The following SGCZ variants were observed in gnomAD, a reference collection of about 807,000 sequenced individuals.
SGCZ encodes the protein sarcoglycan zeta, also known as zeta-sarcoglycan.
Under a neutral mutation model 41.3 loss-of-function variants are expected in SGCZ, and 40 were observed. That is an observed-to-expected ratio of 0.97 (90% CI 0.75 to 1.26). The LOEUF (loss-of-function observed/expected upper bound fraction) is 1.26. Ranked by LOEUF, SGCZ falls within the 50% of genes most tolerant of loss-of-function variation. The pLI is 0.00. For missense variants in SGCZ, 552 were observed against 369.8 expected (o/e 1.49, Z -4.04); for synonymous variants, 206 against 137.5 (o/e 1.50, Z -3.49).
chr8:15,076,754 A>AT (rs35515934), intron 1 of SGCZ, among the ~76,000 whole-genome samples: 6,620 of 133,536 alleles, frequency 0.05, 176 homozygotes, highest in South Asian at 0.06. Flanking sequence ...AGTCTCTCTC[A>AT]TTTTTTTTTT....
At chr8:14,453,481 A>G (rs767895296) in intron 2 of SGCZ, among the ~76,000 whole-genome samples, 14 of 152,176 alleles carry the variant, frequency 9.2e-5, no homozygotes, top group African/African-American at 3.1e-4. Context: ...TTATTTACAA[A>G]TAAGTTGGAT....
At chr8:14,270,318 T>G (rs1800015818) in intron 3 of SGCZ, among the ~76,000 whole-genome samples, 1 of 151,756 alleles carries the variant, frequency 6.6e-6, no homozygotes, top group African/African-American at 2.4e-5. Context: ...GGTAACAGAG[T>G]AAAACTCCGT....
chr8:14,969,312 G>A (rs568441249), intron 1 of SGCZ, among the ~76,000 whole-genome samples: 1 of 152,166 alleles, frequency 6.6e-6, no homozygotes, highest in Admixed American at 6.5e-5. Flanking sequence ...CCTATCTGTT[G>A]CAGAGGACTA....
At position 14,837,708 on chromosome 8, in the gene SGCZ, T is replaced by A. The variant is rs529471148; in HGVS notation, c.40-282782A>T. On this transcript the variant is annotated intron_variant, in intron 1 of 7. Coordinates refer to ENST00000382080, the MANE Select transcript of SGCZ (RefSeq NM_139167.4). ...TTTATGAACTTATTTATATATTTTT[T>A]AAATTTCTGTATATTACAATGGGAT... Among the ~76,000 whole-genome samples the A allele has an allele frequency of 2.6e-3, 398 of 152,282 alleles. 1 individual carries two copies. The highest frequency in any genetic ancestry group is 9.0e-3 in the African/African-American group (376 of 41,578).
In SGCZ at chr8:14,631,350, C is replaced by G. The variant is rs114717612; in HGVS notation, c.40-76424G>C. 4.7e-3 allele frequency among the ~76,000 whole-genome samples: 708 copies of G among 152,078 alleles called. 7 individuals carry two copies. The highest frequency in any genetic ancestry group is 0.014 in the African/African-American group (589 of 41,510). On this transcript the variant is annotated intron_variant, in intron 1 of 7. Coordinates refer to ENST00000382080, the MANE Select transcript of SGCZ (RefSeq NM_139167.4). ...ATCAAATAGAGTAATTAGTGACGTG[C>G]TAGAGTTGACTTGTACTTACTCACG...
At chr8:14,752,293 T>C (rs1196461667) in intron 1 of SGCZ, among the ~76,000 whole-genome samples, 1 of 152,202 alleles carries the variant, frequency 6.6e-6, no homozygotes, top group Non-Finnish European at 1.5e-5. Flanking sequence ...TCAAGTGTTA[T>C]TTCCACTAGC....
At chr8:14,871,470 G>C (rs1007231114) in intron 1 of SGCZ, among the ~76,000 whole-genome samples, 2 of 151,972 alleles carry the variant, frequency 1.3e-5, no homozygotes, top group Admixed American at 6.6e-5. Context: ...CAATACCAAA[G>C]ACTTGGAACT....
intron 2 of SGCZ, among the ~76,000 whole-genome samples, chr8:14,488,716 G>A (rs1156778267): frequency 1.3e-5 from 2 of 149,730 alleles, no homozygotes; most frequent in East Asian, 3.9e-4. Flanking sequence ...CTAACATCAA[G>A]CAGTAGACTT....
chr8:14,540,983 C>A (rs1032094994), intron 2 of SGCZ, among the ~76,000 whole-genome samples: 6 of 150,226 alleles, frequency 4.0e-5, no homozygotes, highest in Non-Finnish European at 8.9e-5. Context: ...TGTTAATGTT[C>A]TTATGTATAT....
chr8:14,895,504 C>A (rs1447578280), intron 1 of SGCZ, among the ~76,000 whole-genome samples: 1 of 151,882 alleles, frequency 6.6e-6, no homozygotes, highest in Non-Finnish European at 1.5e-5. Flanking sequence ...GAGATTAAAG[C>A]CTTATTATAA....
chr8:14,402,130 G>C (rs1799094546), intron 2 of SGCZ, among the ~76,000 whole-genome samples: 1 of 152,000 alleles, frequency 6.6e-6, no homozygotes, highest in African/African-American at 2.4e-5. Context: ...CTTTTTGATG[G>C]GGTTGTTTGT....
In SGCZ at chr8:14,998,550, T is replaced by G. The variant is rs1196142600; in HGVS notation, c.39+239035A>C. Among the ~76,000 whole-genome samples the G allele has an allele frequency of 4.6e-5, 7 of 152,342 alleles. No homozygotes were observed. In the South Asian group the frequency reaches 1.0e-3, roughly 23 times the overall value. On this transcript the variant is annotated intron_variant, in intron 1 of 7. Coordinates refer to ENST00000382080, the MANE Select transcript of SGCZ (RefSeq NM_139167.4). ...CTTTTTCTTAAGAATCAATCCCATT[T>G]ACCATGTGGAGTAAAAACTCATCTT...
chr8:14,168,987 G>A (rs545906865), intron 4 of SGCZ, among the ~76,000 whole-genome samples: 1 of 152,054 alleles, frequency 6.6e-6, no homozygotes, highest in Non-Finnish European at 1.5e-5. Flanking sequence ...AGGAAACCAA[G>A]GCACTAAGAT....
At chr8:14,958,045 A>T (rs748565862) in intron 1 of SGCZ, among the ~76,000 whole-genome samples, 6 of 152,116 alleles carry the variant, frequency 3.9e-5, no homozygotes, top group Non-Finnish European at 8.8e-5. Flanking sequence ...AATTTATCAC[A>T]TATTCATCTC....
chr8:15,231,621 T>C (rs1459731797), intron 1 of SGCZ, among the ~76,000 whole-genome samples: 1 of 137,192 alleles, frequency 7.3e-6, no homozygotes, highest in East Asian at 2.0e-4. Flanking sequence ...TTTTTTTTTT[T>C]TTTTTTTTTT....
chr8:15,176,025 T>C (rs920238868), intron 1 of SGCZ, among the ~76,000 whole-genome samples: 1 of 152,236 alleles, frequency 6.6e-6, no homozygotes, highest in African/African-American at 2.4e-5. Context: ...ACTACTTATA[T>C]AAACCTGAAA....
At position 15,237,879 on chromosome 8, in the gene SGCZ, T is replaced by G. The variant is rs887896143; in HGVS notation, c.-256A>C. On this transcript the variant is annotated 5_prime_UTR_variant, in exon 1 of 8. Coordinates refer to ENST00000382080, the MANE Select transcript of SGCZ (RefSeq NM_139167.4). ...GATCTCTACCGCGGTGCAACACAGC[T>G]GAGTCGATTGAAACAGGGGCCAAAA... is the stretch of plus-strand genomic sequence containing the variant. The G allele has an allele frequency of 1.6e-5, 7 of 429,260 alleles. No homozygotes were observed. The highest frequency in any genetic ancestry group is 8.0e-5 in the African/African-American group (4 of 49,748). 26.6% of individuals were successfully genotyped at this position (429,260 alleles called of 1,614,324 possible).
chr8:15,159,680 A>G (rs941340400), intron 1 of SGCZ, among the ~76,000 whole-genome samples: 12 of 151,524 alleles, frequency 7.9e-5, no homozygotes, highest in Non-Finnish European at 1.8e-4. Flanking sequence ...AACAGAGGAA[A>G]AAGAGTTTGA....
intron 1 of SGCZ, among the ~76,000 whole-genome samples, chr8:15,070,935 G>C (rs1393989047): frequency 1.3e-5 from 2 of 152,244 alleles, no homozygotes; most frequent in East Asian, 3.9e-4. Flanking sequence ...GCTCAGTTAA[G>C]TGGAGAAATA....
Sources: allele counts gnomAD v4.1 joint callset (sites outside exome capture counted in the v4.1 genomes callset), GRCh38; gene constraint gnomAD v4.1.1; transcripts MANE v1.5; gene names NCBI Gene and HGNC (gene_info 2026-07-23, HGNC 2026-07-21).